The following FAM135B variants were observed in gnomAD, a reference collection of about 807,000 sequenced individuals.
FAM135B encodes family with sequence similarity 135 member B.
Under a neutral mutation model 127.7 loss-of-function variants are expected in FAM135B, and 43 were observed. The observed-to-expected ratio is 0.34, with a 90% confidence interval of 0.26 to 0.43. The LOEUF (loss-of-function observed/expected upper bound fraction) is 0.43, where lower values mean the gene tolerates loss of function less well. Among genes scored for constraint, FAM135B ranks in the 20% least tolerant of loss-of-function variants. The pLI is 1.00. For synonymous variants in FAM135B, 670 were observed against 665.1 expected (o/e 1.01, Z -0.11); for missense variants, 1,558 against 1,725.6 (o/e 0.90, Z 1.72).
intron 1 of FAM135B, among the ~76,000 whole-genome samples, chr8:138,371,812 C>G (rs1831146298): frequency 6.6e-6 from 1 of 152,250 alleles, no homozygotes; most frequent in African/African-American, 2.4e-5. Flanking sequence ...CCTACTACAA[C>G]CAGTGCCACC....
At chr8:138,160,859 C>T (rs1390351341) in intron 12 of FAM135B, among the ~76,000 whole-genome samples, 1 of 152,038 alleles carries the variant, frequency 6.6e-6, no homozygotes, top group Non-Finnish European at 1.5e-5. Context: ...TGTAATAATC[C>T]CCATTTGTAA....
At position 138,241,833 on chromosome 8, in the gene FAM135B, G is replaced by C. The variant is rs1450511893; in HGVS notation, c.669+1109C>G. ...AGGTAAGCCTGTGAGGGTATGTCTG[G>C]ATGAACTGGTCAATTGAATAAAGCA... is the stretch of plus-strand genomic sequence containing the variant. On this transcript the variant is annotated intron_variant, in intron 7 of 19. Transcript: ENST00000395297. The surrounding 1 kb of genome is among the most constrained non-coding windows in gnomAD (Gnocchi z 4.8). Among the ~76,000 whole-genome samples, 2 of 152,164 alleles carry C rather than the reference G, an allele frequency of 1.3e-5. No homozygotes were observed. The highest frequency in any genetic ancestry group is 1.9e-4 in the East Asian group (1 of 5,186).
At chr8:138,368,974 T>C (rs1563942586) in intron 1 of FAM135B, among the ~76,000 whole-genome samples, 1 of 152,168 alleles carries the variant, frequency 6.6e-6, no homozygotes, top group Non-Finnish European at 1.5e-5. Context: ...TGTATTATTC[T>C]TGCCCCATTT....
intron 19 of FAM135B, among the ~76,000 whole-genome samples, chr8:138,135,847 T>G (rs1445691726): frequency 6.6e-6 from 1 of 152,174 alleles, no homozygotes; most frequent in East Asian, 1.9e-4. Context: ...AATGTGTTTG[T>G]ATTTATGATA....
rs539263465 is a variant in FAM135B, at chr8:138,476,075, C to T, written c.-20+20596G>A. ...GAGCCATGGAAAGACATGGAAGAAACTTACATGTATATTACTAAGTGAAAT... is the reference window on the plus strand; with the variant it reads ...GAGCCATGGAAAGACATGGAAGAAATTTACATGTATATTACTAAGTGAAAT... On this transcript the variant is annotated intron_variant, in intron 1 of 19. Transcript: ENST00000395297. 3.3e-5 allele frequency among the ~76,000 whole-genome samples: 5 copies of T among 152,202 alleles called. No homozygotes were observed. In the South Asian group the frequency reaches 1.0e-3, roughly 32 times the overall value.
intron 7 of FAM135B, among the ~76,000 whole-genome samples, chr8:138,233,898 A>C (rs567275445): frequency 1.3e-5 from 2 of 152,336 alleles, no homozygotes; most frequent in East Asian, 3.9e-4. Context: ...TATCCAAAGA[A>C]GACATACAAA....
chr8:138,277,845 T>C (rs546678694), intron 3 of FAM135B, among the ~76,000 whole-genome samples: 7 of 152,158 alleles, frequency 4.6e-5, no homozygotes, highest in Non-Finnish European at 8.8e-5. Flanking sequence ...ATCCCTCCAA[T>C]ACACACACTC....
At chr8:138,313,154 CAG>C (rs755717776) in intron 2 of FAM135B, among the ~76,000 whole-genome samples, 129 of 152,238 alleles carry the variant, frequency 8.5e-4, no homozygotes, top group South Asian at 5.4e-3. Flanking sequence ...TTCTTTGAGA[CAG>C]AGTCTCACTC....
intron 3 of FAM135B, among the ~76,000 whole-genome samples, chr8:138,272,550 A>AGGCTGTT (rs1346500440): frequency 6.6e-6 from 1 of 152,228 alleles, no homozygotes; most frequent in Admixed American, 6.5e-5. Context: ...TTTAACAGGA[A>AGGCTGTT]GCATTCTCTC....
In FAM135B at chr8:138,497,200, G is replaced by C. The variant is rs1815431715; in HGVS notation, c.-549C>G. ...CCTCGCGGCCGGGAGAGCCCGCCCT[G>C]CTGCTCCCGCTGGCTCCGCTCCGCA... On this transcript the variant is annotated 5_prime_UTR_variant, in exon 1 of 20. Transcript: ENST00000395297. Among the ~76,000 whole-genome samples the C allele has an allele frequency of 1.3e-5, 2 of 150,980 alleles. No homozygotes were observed. Among genetic ancestry groups the C allele is most frequent in the Admixed American group, 1.3e-4 (2 of 15,152 alleles).
At chr8:138,323,689 C>T (rs1345012195) in intron 2 of FAM135B, among the ~76,000 whole-genome samples, 1 of 152,182 alleles carries the variant, frequency 6.6e-6, no homozygotes, top group African/African-American at 2.4e-5. Context: ...AAGCCAAATA[C>T]ACTTCTTACT....
At chr8:138,373,586 C>T (rs1312499662) in intron 1 of FAM135B, among the ~76,000 whole-genome samples, 1 of 151,860 alleles carries the variant, frequency 6.6e-6, no homozygotes, top group Non-Finnish European at 1.5e-5. Flanking sequence ...AGAGAGATAA[C>T]CTTAAACTCT....
At chr8:138,448,078 A>G (rs1836292467) in intron 1 of FAM135B, among the ~76,000 whole-genome samples, 1 of 151,816 alleles carries the variant, frequency 6.6e-6, no homozygotes, top group African/African-American at 2.4e-5. Flanking sequence ...GAGAAGTCAT[A>G]TGGCACAGAG....
chr8:138,473,966 G>A (rs1432998916), intron 1 of FAM135B, among the ~76,000 whole-genome samples: 1 of 152,102 alleles, frequency 6.6e-6, no homozygotes, highest in Non-Finnish European at 1.5e-5. Context: ...TGAGTGCCTT[G>A]GGATACATTT....
chr8:138,253,103 G>T (rs1821825904), intron 5 of FAM135B, among the ~76,000 whole-genome samples: 1 of 152,088 alleles, frequency 6.6e-6, no homozygotes, highest in Non-Finnish European at 1.5e-5. Context: ...GCCTGGCCAA[G>T]AAGGCTTCTT....
At chr8:138,162,454 G>A (rs965708008) in intron 12 of FAM135B, among the ~76,000 whole-genome samples, 1 of 152,134 alleles carries the variant, frequency 6.6e-6, no homozygotes, top group Non-Finnish European at 1.5e-5. Flanking sequence ...GGAACTTTGG[G>A]TGATAATGAC....
intron 2 of FAM135B, among the ~76,000 whole-genome samples, chr8:138,357,704 T>C (rs1830178818): frequency 6.6e-6 from 1 of 152,166 alleles, no homozygotes; most frequent in Non-Finnish European, 1.5e-5. Flanking sequence ...TCCCACTCTC[T>C]TTCTTATACC....
rs2130786489 is a variant in FAM135B, at chr8:138,152,942, T to A, written c.1533A>T (p.Ala511=). The A allele has an allele frequency of 6.2e-7, 1 of 1,614,226 alleles. No homozygotes were observed. The highest frequency in any genetic ancestry group is 8.5e-7 in the Non-Finnish European group (1 of 1,180,048). ...TCCAACATTCATCTTCAGGCACACCTGCTTTGTTTTGAAATTCACCAATTG... is the reference window on the plus strand; with the variant it reads ...TCCAACATTCATCTTCAGGCACACCAGCTTTGTTTTGAAATTCACCAATTG... ...YISIGEFQNK[A]GVPEDECWTG... is the part of the protein sequence containing the mutation. The change falls in exon 13 of 20, where the codon GCA becomes GCT. Residue 511 remains alanine, a synonymous_variant. Coordinates refer to ENST00000395297, the MANE Select transcript of FAM135B (RefSeq NM_015912.4).
chr8:138,497,312 G>A (rs1358394948), upstream of FAM135B, among the ~76,000 whole-genome samples: 1 of 150,252 alleles, frequency 6.7e-6, no homozygotes, highest in African/African-American at 2.4e-5. Context: ...TCCGCCGCGA[G>A]GCCCTGATGG....
Sources: gnomAD v4.1 joint callset for allele counts (sites outside exome capture counted in the v4.1 genomes callset) on GRCh38, gnomAD v4.1.1 for gene constraint, Gnocchi (gnomAD v3.1) non-coding constraint, MANE v1.5 for transcripts, NCBI Gene and HGNC (gene_info 2026-07-23, HGNC 2026-07-21) for gene names.